The following EFNA5 variants were observed in gnomAD, a reference collection of about 807,000 sequenced individuals.
EFNA5 encodes the protein ephrin-A5.
EFNA5 carries 5 observed loss-of-function variants against 22.9 expected under a neutral mutation model. The observed-to-expected ratio is 0.22, with a 90% CI of 0.11 to 0.46. The LOEUF is 0.46. EFNA5 is among the 20% of genes least tolerant of loss of function. The probability of loss-of-function intolerance (pLI) is 0.99; values close to 1 mark genes in which losing one functional copy is unlikely to be tolerated. For synonymous variants in EFNA5, 113 were observed against 112.2 expected (o/e 1.01, Z -0.04); for missense variants, 237 against 293.3 (o/e 0.81, Z 1.40).
chr5:107,409,818 T>C (rs1357864657), intron 2 of EFNA5, among the ~76,000 whole-genome samples: 2 of 152,238 alleles, frequency 1.3e-5, no homozygotes, highest in Non-Finnish European at 1.5e-5. Context: ...TAGGTACAAG[T>C]ATGTCTCAGG....
chr5:107,635,282 G>T (rs879572166), intron 1 of EFNA5, among the ~76,000 whole-genome samples: 3 of 152,076 alleles, frequency 2.0e-5, no homozygotes, highest in Non-Finnish European at 4.4e-5. Flanking sequence ...TTTATTTTTT[G>T]CTTTGAGCCA....
chr5:107,512,755 G>C (rs1257083580), intron 1 of EFNA5, among the ~76,000 whole-genome samples: 6 of 151,964 alleles, frequency 3.9e-5, no homozygotes, highest in African/African-American at 1.2e-4. Flanking sequence ...CACTCTTTCT[G>C]AGTAAATCAC....
At chr5:107,417,993 A>G (rs1279693044) in intron 2 of EFNA5, among the ~76,000 whole-genome samples, 2 of 152,146 alleles carry the variant, frequency 1.3e-5, no homozygotes, top group East Asian at 3.9e-4. Context: ...TCAGAGAGTA[A>G]CCTTTCACTC....
chr5:107,377,087 C>T lies in EFNA5; in HGVS notation c.*4168G>A, dbSNP rs1747283044. 6.6e-6 allele frequency: 1 copy of T among 151,930 alleles called. No homozygotes were observed. Among genetic ancestry groups the T allele is most frequent in the African/African-American group, 2.4e-5 (1 of 41,352 alleles). The allele number at this position is 151,930 out of a possible 1,614,324, so 9.4% of individuals were successfully genotyped here. A position where few individuals can be genotyped will look rare whatever the true frequency, so the allele number is the denominator to read the frequency against. ...AAAGGAACTGCAAAGCAGGGCAGTA[C>T]AAGCACAGGACCACACGGAGCTGGA... On this transcript the variant is annotated 3_prime_UTR_variant, in exon 5 of 5. Transcript: ENST00000333274.
chr5:107,624,119 T>C (rs1750097640), intron 1 of EFNA5, among the ~76,000 whole-genome samples: 1 of 152,090 alleles, frequency 6.6e-6, no homozygotes, highest in African/African-American at 2.4e-5. Flanking sequence ...CCTAGTTTTG[T>C]CAGGGCATTC....
intron 1 of EFNA5, among the ~76,000 whole-genome samples, chr5:107,433,258 T>C (rs1749012186): frequency 6.6e-6 from 1 of 152,222 alleles, no homozygotes; most frequent in Non-Finnish European, 1.5e-5. Flanking sequence ...TATGAAAATT[T>C]GGTGGTAGAC....
chr5:107,448,007 G>C (rs152590), intron 1 of EFNA5, among the ~76,000 whole-genome samples: 70,207 of 151,778 alleles, frequency 0.46, 18,744 homozygotes, highest in African/African-American at 0.75. Context: ...CCACCACGCC[G>C]GGCTAATTTT....
chr5:107,577,583 G>T (rs1280647689), intron 1 of EFNA5, among the ~76,000 whole-genome samples: 2 of 152,124 alleles, frequency 1.3e-5, no homozygotes, highest in African/African-American at 4.8e-5. Context: ...GGAAAGAATG[G>T]CCAGGCTTAC....
intron 1 of EFNA5, among the ~76,000 whole-genome samples, chr5:107,602,479 T>G (rs1749619624): frequency 6.6e-6 from 1 of 152,134 alleles, no homozygotes; most frequent in Admixed American, 6.5e-5. Flanking sequence ...TGCTTCTCAT[T>G]TTTTGGCCAA....
Position 107,423,469 on chromosome 5 carries a change from T to A in EFNA5, c.418+3748A>T, listed in dbSNP as rs191500654. Among the ~76,000 whole-genome samples, 1,512 of 152,140 alleles carry A rather than the reference T, an allele frequency of 9.9e-3. 18 individuals carry two copies. Among genetic ancestry groups the A allele is most frequent in the Admixed American group, 0.014 (207 of 15,272 alleles). On this transcript the variant is annotated intron_variant, in intron 2 of 4. Transcript: ENST00000333274. Reference sequence around the variant, plus strand: ...GTTGCCCAGGCTGGTCTTGATTTTTTTGGCTCAAACAATCCTCCTACCTCA... The same window carrying A: ...GTTGCCCAGGCTGGTCTTGATTTTTATGGCTCAAACAATCCTCCTACCTCA...
chr5:107,660,028 C>T (rs1333871763), intron 1 of EFNA5, among the ~76,000 whole-genome samples: 1 of 151,618 alleles, frequency 6.6e-6, no homozygotes, highest in Admixed American at 6.6e-5. Flanking sequence ...CCTCAACACA[C>T]ACCACCTCTG....
At chr5:107,522,953 A>G (rs1276286394) in intron 1 of EFNA5, among the ~76,000 whole-genome samples, 1 of 152,216 alleles carries the variant, frequency 6.6e-6, no homozygotes, top group African/African-American at 2.4e-5. Flanking sequence ...GGTATTTCCA[A>G]CACCTAAACA....
chr5:107,505,434 A>C (rs1178490544), intron 1 of EFNA5, among the ~76,000 whole-genome samples: 2 of 152,224 alleles, frequency 1.3e-5, no homozygotes, highest in African/African-American at 4.8e-5. Context: ...AGGGCATGCT[A>C]TATGGGAAAT....
intron 1 of EFNA5, among the ~76,000 whole-genome samples, chr5:107,650,620 A>AT (rs1288885438): frequency 6.6e-6 from 1 of 152,166 alleles, no homozygotes; most frequent in African/African-American, 2.4e-5. Flanking sequence ...GTAAAGGTAT[A>AT]TTGTTATTAT....
At chr5:107,570,226 C>T (rs995223688) in intron 1 of EFNA5, among the ~76,000 whole-genome samples, 2 of 152,148 alleles carry the variant, frequency 1.3e-5, no homozygotes, top group Non-Finnish European at 2.9e-5. Context: ...AGAACCATGC[C>T]CTGAACTGGC....
chr5:107,472,957 A>C (rs1225938343), intron 1 of EFNA5, among the ~76,000 whole-genome samples: 2 of 152,210 alleles, frequency 1.3e-5, no homozygotes, highest in African/African-American at 4.8e-5. Context: ...TAGCCCCTGC[A>C]GGCATCTCAA....
intron 1 of EFNA5, among the ~76,000 whole-genome samples, chr5:107,567,727 G>T (rs969337811): frequency 6.6e-6 from 1 of 152,196 alleles, no homozygotes; most frequent in African/African-American, 2.4e-5. Flanking sequence ...TTCCCTGAAG[G>T]CTGCAGATAG....
intron 1 of EFNA5, among the ~76,000 whole-genome samples, chr5:107,467,702 A>G (rs938645113): frequency 3.3e-5 from 5 of 152,302 alleles, no homozygotes; most frequent in South Asian, 2.1e-4. Flanking sequence ...GAAGTAAAAT[A>G]TAAGAGTCAG....
At chr5:107,562,882 G>A (rs541114568) in intron 1 of EFNA5, among the ~76,000 whole-genome samples, 1 of 152,194 alleles carries the variant, frequency 6.6e-6, no homozygotes, top group Non-Finnish European at 1.5e-5. Flanking sequence ...GGCAATAATG[G>A]GAACTTTTAT....
Sources: allele counts gnomAD v4.1 joint callset (sites outside exome capture counted in the v4.1 genomes callset), GRCh38; gene constraint gnomAD v4.1.1; transcripts MANE v1.5; gene names NCBI Gene and HGNC (gene_info 2026-07-23, HGNC 2026-07-21).